ASIC2: variants seen among roughly 807,000 people sequenced by gnomAD.
ASIC2 encodes acid sensing ion channel subunit 2.
In ASIC2, 25 loss-of-function variants were observed where a neutral mutation model predicts 57.3. The ratio of observed to expected loss-of-function variants is 0.44; its 90% CI spans 0.32 to 0.61. The LOEUF (loss-of-function observed/expected upper bound fraction) is 0.61. Among genes scored for constraint, ASIC2 ranks in the 20% least tolerant of loss-of-function variants. The pLI is 0.06. For missense variants in ASIC2, 641 were observed against 738.1 expected (o/e 0.87, Z 1.52); for synonymous variants, 319 against 307.5 (o/e 1.04, Z -0.39).
chr17:34,065,272 A>G (rs1909128603), intron 1 of ASIC2, among the ~76,000 whole-genome samples: 2 of 152,226 alleles, frequency 1.3e-5, no homozygotes, highest in East Asian at 3.9e-4. Flanking sequence ...GAAGTAACTC[A>G]GGAATGGAAA....
chr17:33,755,996 T>G (rs1157609943), intron 1 of ASIC2, among the ~76,000 whole-genome samples: 1 of 152,230 alleles, frequency 6.6e-6, no homozygotes, highest in East Asian at 1.9e-4. Flanking sequence ...TTTGCTCCAA[T>G]CTTGCTAAGC....
chr17:33,744,307 GTGT>G (rs1444498495), intron 1 of ASIC2, among the ~76,000 whole-genome samples: 1 of 152,146 alleles, frequency 6.6e-6, no homozygotes, highest in Non-Finnish European at 1.5e-5. Context: ...ATGTCTTAAG[GTGT>G]TGTTGAAAAC....
intron 3 of ASIC2, among the ~76,000 whole-genome samples, chr17:33,058,576 A>C (rs950508892): frequency 6.6e-6 from 1 of 151,918 alleles, no homozygotes; most frequent in Non-Finnish European, 1.5e-5. Flanking sequence ...TCATAATACA[A>C]TTCTACTGCT....
At chr17:33,271,398 T>C (rs893549282) in intron 1 of ASIC2, among the ~76,000 whole-genome samples, 19 of 152,168 alleles carry the variant, frequency 1.2e-4, no homozygotes, top group African/African-American at 4.6e-4. Flanking sequence ...TCCAGGCTTA[T>C]GTGTCCAACT....
chr17:33,125,589 G>T (rs555638834), intron 1 of ASIC2, among the ~76,000 whole-genome samples: 1 of 152,332 alleles, frequency 6.6e-6, no homozygotes, highest in Non-Finnish European at 1.5e-5. Flanking sequence ...AGATAAATAA[G>T]ACATGGACAC....
rs916372571 is a variant in ASIC2 at position 34,156,533 on chromosome 17, C to T, written c.-1G>A. ...CACTGGGGCTTTCCTTGAGGTCCAT[C>T]GGGACCCCGTGCAGTTCCGCAACTG... On this transcript the variant is annotated 5_prime_UTR_variant, in exon 1 of 10. Coordinates refer to the ASIC2 transcript ENST00000359872. This position sits in a 1 kb window ranked among gnomAD's most constrained non-coding sequence, Gnocchi z 4.4. 3.8e-6 allele frequency: 6 copies of T among 1,585,076 alleles called. No homozygotes were observed. Among genetic ancestry groups the T allele is most frequent in the Non-Finnish European group, 5.2e-6 (6 of 1,161,994 alleles).
chr17:33,905,165 T>C (rs2701467), intron 1 of ASIC2, among the ~76,000 whole-genome samples: 1,259 of 108,348 alleles, frequency 0.012, 17 homozygotes, highest in Middle Eastern at 0.015. Context: ...TTTTTTTTTT[T>C]CCACTTAGCG....
chr17:33,269,297 C>T (rs887509795), intron 1 of ASIC2, among the ~76,000 whole-genome samples: 13 of 152,190 alleles, frequency 8.5e-5, no homozygotes, highest in African/African-American at 3.1e-4. Flanking sequence ...TCCCTGACCC[C>T]CCGACCTAGA....
intron 3 of ASIC2, among the ~76,000 whole-genome samples, chr17:33,044,677 A>G (rs2091944933): frequency 6.6e-6 from 1 of 152,208 alleles, no homozygotes; most frequent in Admixed American, 6.5e-5. Context: ...AACATTTATT[A>G]AGCACTAATC....
At chr17:34,038,002 T>C (rs3188249) in intron 1 of ASIC2, 1 of 1,613,534 alleles carries the variant, frequency 6.2e-7, no homozygotes, top group Non-Finnish European at 8.5e-7. Context: ...CAAAACACTC[T>C]GGTGGTAAAT....
At chr17:34,055,136 C>T (rs1908719153) in intron 1 of ASIC2, among the ~76,000 whole-genome samples, 1 of 152,140 alleles carries the variant, frequency 6.6e-6, no homozygotes, top group South Asian at 2.1e-4. Flanking sequence ...TGGTGCAGGA[C>T]CATTTAAATC....
chr17:34,097,333 T>G (rs1910583299), intron 1 of ASIC2, among the ~76,000 whole-genome samples: 1 of 152,004 alleles, frequency 6.6e-6, no homozygotes. Flanking sequence ...GGAAGAGTAG[T>G]TTGGGTTGGC....
At chr17:34,104,025 A>C (rs185191410) in intron 1 of ASIC2, among the ~76,000 whole-genome samples, 79 of 152,172 alleles carry the variant, frequency 5.2e-4, no homozygotes, top group Non-Finnish European at 9.6e-4. Context: ...AATCATGTCG[A>C]GCTATGGATC....
At chr17:33,219,632 G>GCATT (rs1907622299) in intron 1 of ASIC2, among the ~76,000 whole-genome samples, 2 of 152,144 alleles carry the variant, frequency 1.3e-5, no homozygotes, top group African/African-American at 4.8e-5. Context: ...CCCAAACTGT[G>GCATT]TCCTGCGGGA....
At chr17:34,101,401 C>T (rs1358496159) in intron 1 of ASIC2, among the ~76,000 whole-genome samples, 1 of 152,180 alleles carries the variant, frequency 6.6e-6, no homozygotes, top group Non-Finnish European at 1.5e-5. Context: ...TCACACAGTA[C>T]TTTTTCTGCT....
At chr17:33,191,363 C>A (rs1052950211) in intron 1 of ASIC2, among the ~76,000 whole-genome samples, 2 of 152,046 alleles carry the variant, frequency 1.3e-5, no homozygotes, top group Non-Finnish European at 2.9e-5. Context: ...ACATGGGGAA[C>A]CTTTGTTGGG....
chr17:33,975,821 A>G (rs540484851), intron 1 of ASIC2, among the ~76,000 whole-genome samples: 2 of 152,130 alleles, frequency 1.3e-5, no homozygotes, highest in African/African-American at 2.4e-5. Flanking sequence ...TGTTCATTGA[A>G]TGAAGTCATC....
At chr17:34,085,399 T>C (rs936944685) in intron 1 of ASIC2, among the ~76,000 whole-genome samples, 4 of 152,242 alleles carry the variant, frequency 2.6e-5, no homozygotes, top group African/African-American at 9.6e-5. Flanking sequence ...CACTTGATCA[T>C]GGTGGATAAG....
chr17:33,113,032 T>A (rs1441554685), intron 1 of ASIC2, among the ~76,000 whole-genome samples: 1 of 152,204 alleles, frequency 6.6e-6, no homozygotes, highest in Non-Finnish European at 1.5e-5. Flanking sequence ...GCTCAGTGAC[T>A]ACGTCTGCTT....
Sources: gnomAD v4.1 joint callset for allele counts (sites outside exome capture counted in the v4.1 genomes callset) on GRCh38, gnomAD v4.1.1 for gene constraint, Gnocchi (gnomAD v3.1) non-coding constraint, MANE v1.5 for transcripts, NCBI Gene and HGNC (gene_info 2026-07-23, HGNC 2026-07-21) for gene names.